Variants in PATJ observed in about 807,000 individuals in gnomAD.
The protein encoded by PATJ is inaD-like protein.
Under a neutral mutation model 224.9 loss-of-function variants are expected in PATJ, and 190 were observed. That is an observed-to-expected ratio of 0.84 (90% CI 0.75 to 0.95). The LOEUF (loss-of-function observed/expected upper bound fraction) is 0.95. Among genes scored for constraint, PATJ ranks in the 40% least tolerant of loss-of-function variants. PATJ has a pLI of 0.00. For missense variants in PATJ, 2,121 were observed against 2,270.3 expected, an observed-to-expected ratio of 0.93 and a Z score of 1.34; for synonymous variants, 769 against 820.3, an observed-to-expected ratio of 0.94 and a Z score of 1.07.
At chr1:61,930,759 A>G (rs1245852922) in intron 27 of PATJ, among the ~76,000 whole-genome samples, 1 of 151,978 alleles carries the variant, frequency 6.6e-6, no homozygotes, top group Non-Finnish European at 1.5e-5. Flanking sequence ...CCAGGCTGGC[A>G]TGCAGTGGCA....
intron 16 of PATJ, 44 bp downstream of exon 16, chr1:61,827,627 A>C: frequency 6.4e-7 from 1 of 1,570,214 alleles, no homozygotes; most frequent in Non-Finnish European, 8.7e-7. Flanking sequence ...ATGCCCATTC[A>C]TCAAAGATGC....
rs373870309 is a variant in PATJ, at chr1:61,990,243, T to C, written c.3746T>C (p.Leu1249Pro). The C allele has an allele frequency of 4.6e-5, 75 of 1,613,870 alleles. No homozygotes were observed. In the Middle Eastern group the frequency reaches 1.6e-3, roughly 35 times the overall value. Residue 1249 changes from leucine to proline, a missense_variant, in exon 28 of 44, where the codon CTT (leucine) becomes CCT (proline). Transcript: ENST00000642238. ...GAACTTGAAAAAGATAAGAATGGAC[T>C]TGGACTCAGCCTTGCTGGTAATAAA... ...IIELEKDKNG[L>P]GLSLAGNKDR...
At chr1:62,119,593 C>G (rs1429936735) in intron 37 of PATJ, among the ~76,000 whole-genome samples, 1 of 152,048 alleles carries the variant, frequency 6.6e-6, no homozygotes, top group East Asian at 1.9e-4. Flanking sequence ...AAAATACTTG[C>G]GAGATCTTTT....
chr1:62,123,083 T>C (rs1041560731), intron 39 of PATJ, 25 bp downstream of exon 39: 2 of 1,568,358 alleles, frequency 1.3e-6, no homozygotes, highest in African/African-American at 2.7e-5. Flanking sequence ...TTGCTGTATG[T>C]ATTTTTCTGG....
chr1:61,990,159 T>A lies in PATJ; in HGVS notation c.3671-9T>A. 6.3e-7 allele frequency: 1 copy of A among 1,577,178 alleles called. No individual in the cohort carries two copies. The highest frequency in any genetic ancestry group is 8.6e-7 in the Non-Finnish European group (1 of 1,164,194). ...ACTCTATTTAATTTTAAAAAAATTC[T>A]TTTAATAGAAAAAATCAGACAAAGA... On this transcript the variant is annotated splice_polypyrimidine_tract_variant and intron_variant, in intron 27 of 43. Transcript: ENST00000642238.
intron 20 of PATJ, among the ~76,000 whole-genome samples, chr1:61,867,878 A>G (rs1665669489): frequency 6.6e-6 from 1 of 152,150 alleles, no homozygotes; most frequent in Admixed American, 6.5e-5. Context: ...CTCTGAGAAG[A>G]TTTTAAAAAC....
intron 27 of PATJ, among the ~76,000 whole-genome samples, chr1:61,949,945 ATCCCAGCACTTTG>A (rs1679378083): frequency 6.6e-6 from 1 of 151,948 alleles, no homozygotes; most frequent in East Asian, 1.9e-4. Context: ...CATGCCTGTA[ATCCCAGCACTTTG>A]GGAGGCCAAG....
At chr1:61,912,779 C>A (rs1672881464) in intron 25 of PATJ, among the ~76,000 whole-genome samples, 2 of 151,694 alleles carry the variant, frequency 1.3e-5, no homozygotes, top group South Asian at 2.1e-4. Flanking sequence ...CTGTCTCATC[C>A]CAAAGCTTCT....
chr1:62,107,081 C>T (rs915760460), intron 33 of PATJ, among the ~76,000 whole-genome samples: 117 of 151,876 alleles, frequency 7.7e-4, no homozygotes, highest in African/African-American at 2.6e-3. Context: ...GTGAGGCGGG[C>T]GGATCACAAG....
intron 6 of PATJ, among the ~76,000 whole-genome samples, chr1:61,774,559 A>G (rs1184346918): frequency 6.6e-6 from 1 of 152,146 alleles, no homozygotes; most frequent in Admixed American, 6.6e-5. Flanking sequence ...TTCTTCACAT[A>G]TGAATTTTCT....
In PATJ at chr1:61,960,608, A is replaced by C. The variant is rs1017884688; in HGVS notation, c.3671-29560A>C. Among the ~76,000 whole-genome samples the C allele has an allele frequency of 3.3e-5, 5 of 151,894 alleles. No individual in the cohort carries two copies. In the East Asian group the frequency reaches 9.7e-4, roughly 30 times the overall value. On this transcript the variant is annotated intron_variant, in intron 27 of 43. Transcript: ENST00000642238. ...GAACCAGGAGGCAGACGTTGCAGTG[A>C]GCCGAGATCATGCCATTGTACTCCA...
chr1:62,150,444 A>G (rs973973690), intron 42 of PATJ, among the ~76,000 whole-genome samples: 1 of 152,130 alleles, frequency 6.6e-6, no homozygotes, highest in Non-Finnish European at 1.5e-5. Flanking sequence ...GAAACCATGG[A>G]TATGGGGCAT....
intron 27 of PATJ, among the ~76,000 whole-genome samples, chr1:61,967,822 C>T (rs1019973187): frequency 3.3e-5 from 5 of 152,256 alleles, no homozygotes; most frequent in African/African-American, 1.2e-4. Context: ...GTTTTGCTTG[C>T]TTTTTATCTC....
At chr1:61,886,887 G>A (rs939544446) in intron 22 of PATJ, among the ~76,000 whole-genome samples, 1 of 149,464 alleles carries the variant, frequency 6.7e-6, no homozygotes, top group Admixed American at 6.7e-5. Flanking sequence ...AGGCTGAGGT[G>A]GGAGGACCGT....
intron 33 of PATJ, among the ~76,000 whole-genome samples, chr1:62,090,417 A>G (rs1442867745): frequency 6.6e-6 from 1 of 152,142 alleles, no homozygotes; most frequent in African/African-American, 2.4e-5. Context: ...AGTTAATTCT[A>G]TTGACTTTTA....
At chr1:62,100,930 G>A (rs941267421) in intron 33 of PATJ, among the ~76,000 whole-genome samples, 1 of 152,122 alleles carries the variant, frequency 6.6e-6, no homozygotes, top group African/African-American at 2.4e-5. Flanking sequence ...ATCAGGGGAG[G>A]GAGTTAGGGA....
chr1:61,991,345 T>A (rs1645053758), intron 28 of PATJ: 1 of 224,668 alleles, frequency 4.5e-6, no homozygotes, highest in African/African-American at 2.3e-5. Context: ...TGTAAACCAT[T>A]GTGCTTTAAA....
intron 28 of PATJ, among the ~76,000 whole-genome samples, chr1:62,000,638 A>C (rs1645704349): frequency 6.6e-6 from 1 of 150,914 alleles, no homozygotes; most frequent in South Asian, 2.1e-4. Context: ...TGCTATTGTG[A>C]ATAGTGCCAC....
intron 31 of PATJ, among the ~76,000 whole-genome samples, chr1:62,070,601 G>T (rs1047740016): frequency 6.6e-6 from 1 of 152,190 alleles, no homozygotes; most frequent in Non-Finnish European, 1.5e-5. Flanking sequence ...TGTGGAAGGG[G>T]CACCACCCAG....
Sources: gnomAD v4.1 joint callset for allele counts (sites outside exome capture counted in the v4.1 genomes callset) on GRCh38, gnomAD v4.1.1 for gene constraint, MANE v1.5 for transcripts, NCBI Gene and HGNC (gene_info 2026-07-23, HGNC 2026-07-21) for gene names.